The following TNS2 variants were observed in gnomAD, a reference collection of about 807,000 sequenced individuals.
TNS2 encodes tensin-2.
In TNS2, 77 loss-of-function variants were observed where a neutral mutation model predicts 155.7. The observed-to-expected ratio is 0.49, with a 90% confidence interval of 0.41 to 0.60. The LOEUF is 0.60. Among genes scored for constraint, TNS2 ranks in the 20% least tolerant of loss-of-function variants. TNS2 has a pLI of 0.00. For synonymous variants in TNS2, 726 were observed against 763.9 expected, an observed-to-expected ratio of 0.95 and a Z score of 0.82; for missense variants, 1,703 against 1,868.8, an observed-to-expected ratio of 0.91 and a Z score of 1.64.
chr12:53,049,136 G>C, upstream of TNS2: 1 of 1,547,676 alleles, frequency 6.5e-7, no homozygotes. Context: ...GAGGGAGGCC[G>C]GAGGCCCATG....
chr12:53,062,952 C>A, intron 25 of TNS2, 137 bp from the exon 26 acceptor site: 2 of 1,191,564 alleles, frequency 1.7e-6, no homozygotes, highest in East Asian at 2.5e-5. Flanking sequence ...CCAGTAGAGT[C>A]ATGGAATCTG....
upstream of TNS2, chr12:53,050,020 G>C (rs1021250557): frequency 1.4e-6 from 2 of 1,442,546 alleles, no homozygotes; most frequent in African/African-American, 1.4e-5. This position sits in a 1 kb window ranked among gnomAD's most constrained non-coding sequence, Gnocchi z 4.7. Flanking sequence ...CTTCCCGCCT[G>C]CACTTCCCTC....
In TNS2 at chr12:53,058,343, G is replaced by A. The variant is rs1406905611; in HGVS notation, c.1123G>A (p.Gly375Ser). The part of the protein sequence containing the change: ...MVTCYHKGGR[G>S]TDRTLVFRVQ... ...AACATGTTATCACAAGGGTGGCCGG[G>A]GCACAGACCGGACCCTCGTGTTCCG... The change falls in exon 15 of 29, where the codon GGC (glycine) becomes AGC (serine). Residue 375 changes from glycine to serine, a missense_variant. Coordinates refer to ENST00000314250, the MANE Select transcript of TNS2 (RefSeq NM_170754.4). The A allele has an allele frequency of 4.3e-6, 7 of 1,614,158 alleles. No homozygotes were observed. The South Asian group carries it at 5.5e-5, about 13-fold the overall frequency.
Position 53,057,829 on chromosome 12 carries a change from G to A in TNS2, c.1015G>A (p.Val339Ile). The A allele has an allele frequency of 6.2e-7, 1 of 1,613,886 alleles. No homozygotes were observed. Among genetic ancestry groups the A allele is most frequent in the Non-Finnish European group, 8.5e-7 (1 of 1,180,028 alleles). Residue 339 changes from valine to isoleucine, a missense_variant, in exon 13 of 29, where the codon GTC becomes ATC. Val to Ile is a conservative substitution (Grantham distance 29). Coordinates refer to ENST00000314250, the MANE Select transcript of TNS2 (RefSeq NM_170754.4). Reference sequence around the variant, plus strand: ...CATGCAGCTTGTCTACACATCTGGAGTCTAGTGAGTGCTCTATTCCCAGGC... The same window carrying A: ...CATGCAGCTTGTCTACACATCTGGAATCTAGTGAGTGCTCTATTCCCAGGC... The part of the protein sequence containing the change: ...QSMQLVYTSG[V>I]YHIAGPGPQQ...
Position 53,058,711 on chromosome 12 carries a change from C to T in TNS2, c.1292-3C>T, listed in dbSNP as rs746930969. ...TCCCCAATACCCGAGTGGCCTTCCA[C>T]AGGCAGCACTCCACGGAACGACCCC... is the stretch of plus-strand genomic sequence containing the variant. On this transcript the variant is annotated splice_polypyrimidine_tract_variant and splice_region_variant and intron_variant, in intron 16 of 28. Coordinates refer to ENST00000314250, the MANE Select transcript of TNS2 (RefSeq NM_170754.4). The T allele has an allele frequency of 5.0e-6, 8 of 1,614,024 alleles. No homozygotes were observed. The East Asian group carries it at 1.1e-4, about 22-fold the overall frequency.
At position 53,055,649 on chromosome 12, in the gene TNS2, C is replaced by T. The variant is rs755659625; in HGVS notation, c.655C>T (p.Leu219Phe). ...CATCTGCAAAGCCATGGAGACATGG[C>T]TCAGTGCTGACCCACAGCACGTGGT... The part of the protein sequence containing the change: ...CSICKAMETW[L>F]SADPQHVVVL... The change falls in exon 9 of 29, where the codon CTC (leucine) becomes TTC (phenylalanine). Residue 219 changes from leucine to phenylalanine, a missense_variant. Transcript: ENST00000314250. 1.2e-6 allele frequency: 2 copies of T among 1,614,150 alleles called. No individual in the cohort carries two copies. The highest frequency in any genetic ancestry group is 8.5e-7 in the Non-Finnish European group (1 of 1,180,038).
intron 17 of TNS2, 61 bp downstream of exon 17, chr12:53,058,888 GC>G: frequency 6.3e-7 from 1 of 1,585,992 alleles, no homozygotes; most frequent in Non-Finnish European, 8.6e-7. Context: ...GGGGGGTGGT[GC>G]CAGGGAGAAG....
upstream of TNS2, chr12:53,047,182 CGGGCG>C (rs1238127187): frequency 1.9e-5 from 1 of 53,856 alleles, no homozygotes; most frequent in Non-Finnish European, 3.1e-5. Flanking sequence ...GCCACGGGCG[CGGGCG>C]CGGGCGCGGG....
intron 2 of TNS2, 153 bp downstream of exon 2, chr12:53,052,116 A>T (rs1943956252): frequency 1.5e-6 from 1 of 670,260 alleles, no homozygotes; most frequent in Non-Finnish European, 2.5e-6. Flanking sequence ...CCCCCTTCAG[A>T]TGGCCCTGGC....
At chr12:53,053,188 G>C (rs1944003220) in intron 3 of TNS2, 2 of 592,208 alleles carry the variant, frequency 3.4e-6, no homozygotes, top group East Asian at 5.9e-5. Flanking sequence ...GGGTCTGTGT[G>C]GGCTGGGGGC....
Position 53,059,503 on chromosome 12 carries a change from T to A in TNS2, c.1862T>A (p.Leu621Gln), listed in dbSNP as rs776118733. ...GAGGGAACCCTGGAGAGGAGGCGAC[T>A]GGCCTACGGGGGCTATGAGGGATCC... ...RPEGTLERRR[L>Q]AYGGYEGSPQ... The change falls in exon 18 of 29, where the codon CTG becomes CAG. Residue 621 changes from leucine to glutamine, a missense_variant. Coordinates refer to ENST00000314250, the MANE Select transcript of TNS2 (RefSeq NM_170754.4). This position sits in a 1 kb window ranked among gnomAD's most constrained non-coding sequence, Gnocchi z 4.7. The A allele has an allele frequency of 1.3e-6, 2 of 1,573,638 alleles. No individual in the cohort carries two copies. The highest frequency in any genetic ancestry group is 1.4e-5 in the African/African-American group (1 of 73,046).
rs1463414185 is a variant in TNS2 at position 53,055,652 on chromosome 12, A to C, written c.658A>C (p.Ser220Arg). The change falls in exon 9 of 29, where the codon AGT (serine) becomes CGT (arginine). Residue 220 changes from serine to arginine, a missense_variant. Transcript: ENST00000314250. ...CTGCAAAGCCATGGAGACATGGCTC[A>C]GTGCTGACCCACAGCACGTGGTCGT... ...SICKAMETWL[S>R]ADPQHVVVLY... The C allele has an allele frequency of 1.2e-6, 2 of 1,614,154 alleles. No homozygotes were observed. The highest frequency in any genetic ancestry group is 2.2e-5 in the East Asian group (1 of 44,878).
At position 53,060,887 on chromosome 12, in the gene TNS2, G is replaced by T. The variant is rs1194639864; in HGVS notation, c.2981G>T (p.Gly994Val). The change falls in exon 20 of 29, where the codon GGC (glycine) becomes GTC (valine). Residue 994 changes from glycine (G) to valine (V), a missense_variant. Coordinates refer to ENST00000314250, the MANE Select transcript of TNS2 (RefSeq NM_170754.4). This position sits in a 1 kb window ranked among gnomAD's most constrained non-coding sequence, Gnocchi z 6.1. ...TGGCCTCAGGAAAGGAGTCCAGGGG[G>T]CCACTCAGATGGCGCCAGTCCTCGG... Reference protein sequence around the residue: ...SDWPQERSPGGHSDGASPRSP... With the variant: ...SDWPQERSPGVHSDGASPRSP... The T allele has an allele frequency of 3.1e-6, 5 of 1,589,842 alleles. No homozygotes were observed. The highest frequency in any genetic ancestry group is 4.3e-6 in the Non-Finnish European group (5 of 1,166,316).
chr12:53,047,914 C>T (rs979682242), upstream of TNS2, among the ~76,000 whole-genome samples: 1 of 152,158 alleles, frequency 6.6e-6, no homozygotes, highest in Non-Finnish European at 1.5e-5. Flanking sequence ...CCCTCCTCCG[C>T]GGCGGCCGGG....
Position 53,063,697 on chromosome 12 carries a change from C to T in TNS2, c.4092-47C>T, listed in dbSNP as rs1041821592. 8.7e-6 allele frequency: 14 copies of T among 1,613,900 alleles called. No homozygotes were observed. Among genetic ancestry groups the T allele is most frequent in the African/African-American group, 1.3e-5 (1 of 74,936 alleles). ...GTCTCACCAAGGCCAGCTACATTCC[C>T]TTGTGGAAGGAATGTTAAGCCCCTT... is the stretch of plus-strand genomic sequence containing the variant. On this transcript the variant is annotated intron_variant, in intron 28 of 28. Coordinates refer to ENST00000314250, the MANE Select transcript of TNS2 (RefSeq NM_170754.4). This position sits in a 1 kb window ranked among gnomAD's most constrained non-coding sequence, Gnocchi z 5.6.
chr12:53,061,670 A>G (rs929393199), intron 21 of TNS2, 145 bp from the exon 22 acceptor site: 37 of 1,441,320 alleles, frequency 2.6e-5, no homozygotes, highest in Non-Finnish European at 3.5e-5. Context: ...TGTGAACTCT[A>G]GAGCCCTGGC....
rs201575919 is a variant in TNS2 at position 53,058,361 on chromosome 12, G to A, written c.1141G>A (p.Val381Met). 1.2e-4 allele frequency: 198 copies of A among 1,614,058 alleles called. No homozygotes were observed. Among genetic ancestry groups the A allele is most frequent in the Admixed American group, 8.3e-5 (5 of 60,004 alleles). The change falls in exon 15 of 29, where the codon GTG (valine) becomes ATG (methionine). Residue 381 changes from valine (V) to methionine (M), a missense_variant. Transcript: ENST00000314250. ...KGGRGTDRTLVFRVQFHTCTI... is the reference protein window; with the variant it reads ...KGGRGTDRTLMFRVQFHTCTI... ...TGGCCGGGGCACAGACCGGACCCTCGTGTTCCGAGTCCAGTTCCACACCTG... is the reference window on the plus strand; with the variant it reads ...TGGCCGGGGCACAGACCGGACCCTCATGTTCCGAGTCCAGTTCCACACCTG...
In TNS2 at chr12:53,060,464, T is replaced by G. The variant is rs1944341474; in HGVS notation, c.2677T>G (p.Ser893Ala). 6.2e-7 allele frequency: 1 copy of G among 1,613,530 alleles called. No individual in the cohort carries two copies. The highest frequency in any genetic ancestry group is 1.3e-5 in the African/African-American group (1 of 74,898). Residue 893 changes from serine (S) to alanine (A), a missense_variant, in exon 19 of 29, where the codon TCT becomes GCT. Coordinates refer to ENST00000314250, the MANE Select transcript of TNS2 (RefSeq NM_170754.4). This position sits in a 1 kb window ranked among gnomAD's most constrained non-coding sequence, Gnocchi z 6.1. ...CAGTGGGCACAGCACACTGCCTCGG[T>G]CTCCCCGAGATGCCCCATGCAGTGC... ...GPSGHSTLPRSPRDAPCSASS... is the reference protein window; with the variant it reads ...GPSGHSTLPRAPRDAPCSASS...
chr12:53,054,537 G>T (rs935377461), intron 7 of TNS2, 96 bp downstream of exon 7: 98 of 1,318,428 alleles, frequency 7.4e-5, no homozygotes, highest in Non-Finnish European at 9.2e-5. Flanking sequence ...AGGCGAGGCC[G>T]CCAGGGGGCG....
Sources: gnomAD v4.1 joint callset for allele counts (sites outside exome capture counted in the v4.1 genomes callset) on GRCh38, gnomAD v4.1.1 for gene constraint, Gnocchi (gnomAD v3.1) non-coding constraint, MANE v1.5 for transcripts, NCBI Gene and HGNC (gene_info 2026-07-23, HGNC 2026-07-21) for gene names.